The following LARP1 variants were observed in gnomAD, a reference collection of about 807,000 sequenced individuals.
LARP1 encodes the protein la-related protein 1.
LARP1 carries 36 observed loss-of-function variants against 122.7 expected under a neutral mutation model. The ratio of observed to expected loss-of-function variants is 0.29; its 90% CI spans 0.22 to 0.39. LARP1 has a LOEUF of 0.39. LARP1 is among the 10% of genes least tolerant of loss of function. LARP1 has a pLI of 1.00. For synonymous variants in LARP1, 539 were observed against 528.7 expected, an observed-to-expected ratio of 1.02 and a Z score of -0.27; for missense variants, 1,040 against 1,403.6, an observed-to-expected ratio of 0.74 and a Z score of 4.14.
intron 17 of LARP1, 44 bp from the exon 18 acceptor site, chr5:154,811,469 T>G (rs778842276): frequency 7.4e-6 from 12 of 1,613,798 alleles, no homozygotes; most frequent in Non-Finnish European, 9.3e-6. Flanking sequence ...CCTCTGAGCT[T>G]CTTTATCCTC....
At chr5:154,766,756 T>C (rs1473989763) in intron 1 of LARP1, among the ~76,000 whole-genome samples, 9 of 152,212 alleles carry the variant, frequency 5.9e-5, no homozygotes, top group Admixed American at 5.9e-4. Flanking sequence ...GGTTTGCATT[T>C]GCCTACAGAT....
chr5:154,735,344 C>A (rs551459835), intron 1 of LARP1, among the ~76,000 whole-genome samples: 30 of 151,714 alleles, frequency 2.0e-4, no homozygotes, highest in African/African-American at 6.8e-4. Context: ...CCCAGCTACT[C>A]GGGAGACTAA....
intron 1 of LARP1, among the ~76,000 whole-genome samples, chr5:154,686,893 C>T (rs997259744): frequency 6.6e-6 from 1 of 152,346 alleles, no homozygotes; most frequent in South Asian, 2.1e-4. Flanking sequence ...CCATGCCTGA[C>T]TTCAGAAGAA....
chr5:154,809,271 C>A (rs923567156), intron 16 of LARP1, among the ~76,000 whole-genome samples: 1 of 151,314 alleles, frequency 6.6e-6, no homozygotes, highest in South Asian at 2.1e-4. Context: ...TCGAGACCAG[C>A]CTGGGCTCAA....
At chr5:154,793,756 T>G (rs768362966) in intron 5 of LARP1, 33 bp downstream of exon 5, 4 of 1,614,068 alleles carry the variant, frequency 2.5e-6, no homozygotes, top group Non-Finnish European at 3.4e-6. Context: ...GGCCTGGACT[T>G]GGGAGACACC....
chr5:154,686,353 T>C (rs1457760582), intron 1 of LARP1, among the ~76,000 whole-genome samples: 1 of 152,140 alleles, frequency 6.6e-6, no homozygotes, highest in Non-Finnish European at 1.5e-5. Context: ...TGGAGTTCAT[T>C]AGACTTAGAT....
At chr5:154,770,865 C>T (rs746776302) in intron 1 of LARP1, among the ~76,000 whole-genome samples, 1 of 152,022 alleles carries the variant, frequency 6.6e-6, no homozygotes, top group Admixed American at 6.6e-5. Context: ...GTAATCCCAG[C>T]GCTTTGGGAG....
chr5:154,720,146 G>A (rs1160097911), intron 1 of LARP1, among the ~76,000 whole-genome samples: 3 of 152,016 alleles, frequency 2.0e-5, no homozygotes, highest in African/African-American at 4.8e-5. Flanking sequence ...AGCTGAGATC[G>A]CACCACTGCA....
At chr5:154,796,082 T>TTA (rs554699118) in intron 8 of LARP1, among the ~76,000 whole-genome samples, 1 of 94,558 alleles carries the variant, frequency 1.1e-5, no homozygotes, top group Admixed American at 1.4e-4. Context: ...AGTATATATA[T>TTA]TATATATATA....
intron 1 of LARP1, among the ~76,000 whole-genome samples, chr5:154,788,391 G>C (rs965435327): frequency 6.6e-6 from 1 of 152,170 alleles, no homozygotes; most frequent in Non-Finnish European, 1.5e-5. Context: ...AGTGGCTCCG[G>C]TAGGGGGTGG....
intron 1 of LARP1, among the ~76,000 whole-genome samples, chr5:154,700,386 G>T (rs191285367): frequency 1.3e-5 from 2 of 151,860 alleles, no homozygotes; most frequent in South Asian, 2.1e-4. Context: ...AAATATTGTG[G>T]CTGGTCGCAA....
chr5:154,784,483 T>A (rs546234737), intron 1 of LARP1, among the ~76,000 whole-genome samples: 1 of 152,206 alleles, frequency 6.6e-6, no homozygotes, highest in Admixed American at 6.5e-5. Flanking sequence ...AGCTCTCTGG[T>A]AAACAGCCTT....
chr5:154,755,367 T>A (rs954634782), upstream of LARP1, among the ~76,000 whole-genome samples: 1 of 147,146 alleles, frequency 6.8e-6, no homozygotes, highest in Non-Finnish European at 1.5e-5. Flanking sequence ...GCCGCGCCTC[T>A]CCCCCGTCCG....
chr5:154,801,298 G>A (rs1758335995), intron 10 of LARP1, among the ~76,000 whole-genome samples: 1 of 152,134 alleles, frequency 6.6e-6, no homozygotes, highest in Non-Finnish European at 1.5e-5. Context: ...TGTTCATCCT[G>A]TGGTAGTCAC....
chr5:154,753,425 T>G (rs1259462557), upstream of LARP1, among the ~76,000 whole-genome samples: 2 of 152,176 alleles, frequency 1.3e-5, no homozygotes, highest in Admixed American at 1.3e-4. Context: ...CCAGCCTGGG[T>G]GACAGACCTC....
In LARP1 at chr5:154,794,044, A is replaced by C. The variant is rs773147561; in HGVS notation, c.1069+44A>C. On this transcript the variant is annotated intron_variant, in intron 6 of 18. Coordinates refer to ENST00000518297, the MANE Select transcript of LARP1 (RefSeq NM_033551.3). The stretch of plus-strand genomic sequence containing the variant: ...GGCTCCGGGATGTCCAAGGGTGTGC[A>C]GCAGGGGTGGTGGGCAGGAATCTCC... 8 of 1,611,022 alleles carry C rather than the reference A, an allele frequency of 5.0e-6. 1 individual carries two copies. The South Asian group carries it at 8.8e-5, about 18-fold the overall frequency.
chr5:154,685,565 A>G (rs1753892785), intron 1 of LARP1, among the ~76,000 whole-genome samples: 1 of 152,170 alleles, frequency 6.6e-6, no homozygotes. Flanking sequence ...TTTGGGCTGC[A>G]TGTACATAGG....
chr5:154,767,533 T>G (rs563270543), intron 1 of LARP1, among the ~76,000 whole-genome samples: 1 of 152,274 alleles, frequency 6.6e-6, no homozygotes, highest in South Asian at 2.1e-4. Context: ...CATATTGAAG[T>G]GGAATTTAAG....
intron 1 of LARP1, among the ~76,000 whole-genome samples, chr5:154,735,512 T>C (rs1756830426): frequency 6.6e-6 from 1 of 151,880 alleles, no homozygotes; most frequent in Non-Finnish European, 1.5e-5. Flanking sequence ...GTGGGATTGC[T>C]GGATCATATG....
Sources: gnomAD v4.1 joint callset for allele counts (sites outside exome capture counted in the v4.1 genomes callset) on GRCh38, gnomAD v4.1.1 for gene constraint, MANE v1.5 for transcripts, NCBI Gene and HGNC (gene_info 2026-07-23, HGNC 2026-07-21) for gene names.